Variants in ANKRD17 observed in about 807,000 individuals in gnomAD.
ANKRD17 encodes the protein ankyrin repeat domain 17.
ANKRD17 carries 19 observed loss-of-function variants against 229.7 expected under a neutral mutation model. The ratio of observed to expected loss-of-function variants is 0.08; its 90% confidence interval spans 0.06 to 0.12. The LOEUF (loss-of-function observed/expected upper bound fraction) is 0.12, where lower values mean the gene tolerates loss of function less well. Among genes scored for constraint, ANKRD17 ranks in the 10% least tolerant of loss-of-function variants. The pLI is 1.00. For synonymous variants in ANKRD17, 1,112 were observed against 1,146.1 expected (o/e 0.97, Z 0.60); for missense variants, 2,176 against 3,176.8 (o/e 0.68, Z 7.57).
At chr4:73,123,855 C>T (rs1727080165) in intron 18 of ANKRD17, among the ~76,000 whole-genome samples, 1 of 151,740 alleles carries the variant, frequency 6.6e-6, no homozygotes, top group South Asian at 2.1e-4. Flanking sequence ...TAACAGTTCC[C>T]CAGTTCACTC....
At chr4:73,141,912 A>C in intron 13 of ANKRD17, 69 bp from the exon 14 acceptor site, 2 of 1,122,372 alleles carry the variant, frequency 1.8e-6, no homozygotes, top group Non-Finnish European at 2.5e-6. Flanking sequence ...CTCTAAATAA[A>C]GAATAAATTA....
At position 73,159,308 on chromosome 4, in the gene ANKRD17, C is replaced by G. The variant is rs528201417; in HGVS notation, c.704+1884G>C. 5.9e-5 allele frequency among the ~76,000 whole-genome samples: 9 copies of G among 152,296 alleles called. No individual in the cohort carries two copies. In the South Asian group the frequency reaches 1.9e-3, roughly 32 times the overall value. On this transcript the variant is annotated intron_variant, in intron 3 of 33. Coordinates refer to ENST00000358602, the MANE Select transcript of ANKRD17 (RefSeq NM_032217.5). ...TTTTCTCTCTTTCAAAGTAGTCTCTCTCTGTCTCTTTCACTTCTTTATGCA... is the reference window on the plus strand; with the variant it reads ...TTTTCTCTCTTTCAAAGTAGTCTCTGTCTGTCTCTTTCACTTCTTTATGCA...
intron 3 of ANKRD17, among the ~76,000 whole-genome samples, chr4:73,156,908 A>G (rs948681627): frequency 7.2e-5 from 11 of 152,144 alleles, no homozygotes; most frequent in African/African-American, 2.7e-4. Flanking sequence ...TTATTTCAAT[A>G]TGATTCATAA....
At chr4:73,216,257 T>A (rs762209158) in intron 1 of ANKRD17, among the ~76,000 whole-genome samples, 3 of 152,196 alleles carry the variant, frequency 2.0e-5, no homozygotes, top group Admixed American at 6.5e-5. Context: ...ATCATTTTTT[T>A]AAATGAATAA....
In ANKRD17 at chr4:73,146,881, A is replaced by T; in HGVS notation, c.1760-8T>A. On this transcript the variant is annotated splice_polypyrimidine_tract_variant and splice_region_variant and intron_variant, in intron 9 of 33. Transcript: ENST00000358602. ...TTGCATGAACGTTAGCTCCTGTAGT[A>T]GTCAACAAATAATACATAGACTTAA... 1.9e-6 allele frequency: 3 copies of T among 1,600,132 alleles called. No homozygotes were observed. The highest frequency in any genetic ancestry group is 2.6e-6 in the Non-Finnish European group (3 of 1,169,138).
At chr4:73,122,515 A>G (rs1221837987) in intron 18 of ANKRD17, among the ~76,000 whole-genome samples, 3 of 152,160 alleles carry the variant, frequency 2.0e-5, no homozygotes, top group Non-Finnish European at 4.4e-5. Context: ...CCATTCACAG[A>G]TCATTGTCCA....
chr4:73,107,457 GGATACA>G (rs985581037), intron 24 of ANKRD17, among the ~76,000 whole-genome samples: 5 of 152,246 alleles, frequency 3.3e-5, no homozygotes, highest in African/African-American at 1.2e-4. Context: ...AGGGGAGGGT[GGATACA>G]GATAAATAGA....
chr4:73,103,393 T>C (rs914291536), intron 24 of ANKRD17, among the ~76,000 whole-genome samples: 6 of 152,218 alleles, frequency 3.9e-5, no homozygotes, highest in Admixed American at 2.6e-4. Context: ...CTTTCAATTT[T>C]ACTTTATATA....
intron 1 of ANKRD17, among the ~76,000 whole-genome samples, chr4:73,186,318 T>A (rs993739097): frequency 2.6e-5 from 4 of 152,022 alleles, no homozygotes; most frequent in African/African-American, 9.7e-5. Context: ...AGACTGAAAT[T>A]TGAAAAGTTG....
chr4:73,161,914 T>C (rs1184305005), intron 2 of ANKRD17, among the ~76,000 whole-genome samples: 1 of 152,052 alleles, frequency 6.6e-6, no homozygotes, highest in Non-Finnish European at 1.5e-5. Flanking sequence ...TCTTATTCTG[T>C]CACCCAAGCT....
intron 29 of ANKRD17, among the ~76,000 whole-genome samples, chr4:73,085,940 G>A (rs1722077276): frequency 6.6e-6 from 1 of 152,086 alleles, no homozygotes; most frequent in Non-Finnish European, 1.5e-5. Context: ...GCAATGAGCT[G>A]TGATGGCACC....
chr4:73,134,780 A>G (rs1728676226), intron 16 of ANKRD17, among the ~76,000 whole-genome samples: 1 of 152,132 alleles, frequency 6.6e-6, no homozygotes, highest in African/African-American at 2.4e-5. Context: ...CATGCAATCC[A>G]TTATATATTT....
At chr4:73,100,014 C>A (rs1263318798) in intron 25 of ANKRD17, among the ~76,000 whole-genome samples, 1 of 152,150 alleles carries the variant, frequency 6.6e-6, no homozygotes, top group Non-Finnish European at 1.5e-5. Context: ...TAACAAGGAG[C>A]TCACCCTGCC....
At chr4:73,179,444 ATATC>A (rs1451403282) in intron 1 of ANKRD17, among the ~76,000 whole-genome samples, 7 of 140,372 alleles carry the variant, frequency 5.0e-5, no homozygotes, top group Admixed American at 1.5e-4. Flanking sequence ...GTGTGTATAT[ATATC>A]TGTGTATATA....
intron 24 of ANKRD17, chr4:73,112,707 A>C: frequency 6.5e-6 from 5 of 768,648 alleles, no homozygotes; most frequent in Non-Finnish European, 7.9e-6. Flanking sequence ...CAAAAAACGC[A>C]TATGCATAAT....
At chr4:73,192,026 A>C (rs1433616080) in intron 1 of ANKRD17, among the ~76,000 whole-genome samples, 1 of 152,090 alleles carries the variant, frequency 6.6e-6, no homozygotes, top group Admixed American at 6.5e-5. Context: ...TACCTTAAGA[A>C]TAAAGCAGAT....
chr4:73,220,667 A>G (rs1741726319), intron 1 of ANKRD17, among the ~76,000 whole-genome samples: 1 of 152,148 alleles, frequency 6.6e-6, no homozygotes. Context: ...TAAGAAGTTT[A>G]TGATTCAAAA....
chr4:73,204,266 C>G (rs570716320), intron 1 of ANKRD17, among the ~76,000 whole-genome samples: 1 of 140,894 alleles, frequency 7.1e-6, no homozygotes, highest in Non-Finnish European at 1.5e-5. Context: ...GAGGCTGAGG[C>G]GGGAGAATGG....
intron 21 of ANKRD17, 62 bp downstream of exon 21, chr4:73,120,100 G>A: frequency 6.6e-7 from 1 of 1,504,838 alleles, no homozygotes; most frequent in Admixed American, 1.7e-5. Context: ...TAATTGCCTA[G>A]AGAGAATGAT....
Sources: gnomAD v4.1 joint callset for allele counts (sites outside exome capture counted in the v4.1 genomes callset) on GRCh38, gnomAD v4.1.1 for gene constraint, MANE v1.5 for transcripts, NCBI Gene and HGNC (gene_info 2026-07-23, HGNC 2026-07-21) for gene names.